The following ADGRA3 variants were observed in gnomAD, a reference collection of about 807,000 sequenced individuals.
The protein encoded by ADGRA3 is G-protein coupled receptor 125.
Under a neutral mutation model 119.8 loss-of-function variants are expected in ADGRA3, and 56 were observed. That is an observed-to-expected ratio of 0.47 (90% confidence interval 0.38 to 0.58). The LOEUF is 0.58. Among genes scored for constraint, ADGRA3 ranks in the 20% least tolerant of loss-of-function variants. The pLI, the probability that ADGRA3 is intolerant of heterozygous loss-of-function variation, is 0.00. For missense variants in ADGRA3, 1,516 were observed against 1,649.0 expected (o/e 0.92, Z 1.40); for synonymous variants, 607 against 623.8 (o/e 0.97, Z 0.40).
At position 22,413,171 on chromosome 4, in the gene ADGRA3, A is replaced by T; in HGVS notation, c.2232+11T>A. ...AATAGTGTTTATGCATAAAGTTAAC[A>T]ACTGCCATACCATTAAAACTGCATA... On this transcript the variant is annotated intron_variant, in intron 14 of 18. Coordinates refer to ENST00000334304, the MANE Select transcript of ADGRA3 (RefSeq NM_145290.4). 1.3e-6 allele frequency: 2 copies of T among 1,590,070 alleles called. No individual in the cohort carries two copies. Among genetic ancestry groups the T allele is most frequent in the South Asian group, 2.2e-5 (2 of 90,584 alleles).
intron 14 of ADGRA3, among the ~76,000 whole-genome samples, chr4:22,410,333 A>C (rs1454224473): frequency 1.3e-5 from 2 of 152,174 alleles, no homozygotes; most frequent in Non-Finnish European, 2.9e-5. Flanking sequence ...GCTCCTGTGA[A>C]TCTTCCTGCC....
Position 22,515,927 on chromosome 4 carries a change from GACATGCTCCTTTGT to G in ADGRA3, c.-157_-144del, listed in dbSNP as rs1719654303. 7.3e-6 allele frequency: 3 copies of G among 408,480 alleles called. No homozygotes were observed. The highest frequency in any genetic ancestry group is 9.9e-6 in the Non-Finnish European group (3 of 303,092). 25.3% of individuals were successfully genotyped at this position (408,480 alleles called of 1,614,324 possible). A position where few individuals can be genotyped will look rare whatever the true frequency, so the allele number is the denominator to read the frequency against. ...CGGAGGACGGGCCTTCCCCGGCGCG[GACATGCTCCTTTGT>G]CCGCTGCGGCTGCGCTGGGCCTCTA... On this transcript the variant is annotated 5_prime_UTR_variant, in exon 1 of 19. It removes an upstream start codon present in the reference 5' UTR. Transcript: ENST00000334304.
chr4:22,501,875 A>G (rs1171231480), intron 1 of ADGRA3, among the ~76,000 whole-genome samples: 1 of 152,066 alleles, frequency 6.6e-6, no homozygotes, highest in Non-Finnish European at 1.5e-5. Flanking sequence ...AGCTAAGCTG[A>G]TGGACAAGTT....
At chr4:22,413,084 AAAAAAAAC>A (rs1437507090) in intron 14 of ADGRA3, 90 bp downstream of exon 14, 2 of 893,222 alleles carry the variant, frequency 2.2e-6, no homozygotes, top group African/African-American at 1.7e-5. Flanking sequence ...GTAAAAAAAA[AAAAAAAAC>A]AAAAAACAAA....
chr4:22,496,749 T>G (rs1421928026), intron 1 of ADGRA3, among the ~76,000 whole-genome samples: 1 of 152,186 alleles, frequency 6.6e-6, no homozygotes, highest in Non-Finnish European at 1.5e-5. Flanking sequence ...GGAACCCTGA[T>G]ATATACAAAA....
chr4:22,390,140 A>G (rs1577317617), intron 17 of ADGRA3, among the ~76,000 whole-genome samples: 1 of 151,736 alleles, frequency 6.6e-6, no homozygotes, highest in African/African-American at 2.4e-5. Flanking sequence ...TTCCTGCTGT[A>G]CTAATTCACA....
intron 3 of ADGRA3, among the ~76,000 whole-genome samples, chr4:22,460,798 A>G (rs1177508164): frequency 6.6e-6 from 1 of 152,210 alleles, no homozygotes; most frequent in East Asian, 1.9e-4. Context: ...CTTCCCCTAC[A>G]TTATCTATCC....
At chr4:22,417,218 A>T (rs1715462407) in intron 12 of ADGRA3, among the ~76,000 whole-genome samples, 1 of 152,176 alleles carries the variant, frequency 6.6e-6, no homozygotes, top group South Asian at 2.1e-4. Flanking sequence ...TTTTTAACTG[A>T]CTTTGTTTGC....
At chr4:22,514,357 CATAA>C (rs1295874769) in intron 1 of ADGRA3, 6 of 152,140 alleles carry the variant, frequency 3.9e-5, no homozygotes, top group Non-Finnish European at 7.3e-5. Context: ...TTCATGCCTC[CATAA>C]ATAGACACAT....
rs185049428 is a variant in ADGRA3, at chr4:22,435,454, G to T, written c.1300C>A (p.Leu434Ile). 1.3e-6 allele frequency: 2 copies of T among 1,592,878 alleles called. No individual in the cohort carries two copies. Among genetic ancestry groups the T allele is most frequent in the Non-Finnish European group, 8.6e-7 (1 of 1,163,978 alleles). ...LYMFNQMPLN[L>I]TNAVATARQL... is the part of the protein sequence containing the mutation. ...CGAGCTGTTGCCACGGCATTGGTAA[G>T]ATTGAGGGGCATCTACATTTCAAAG... The change falls in exon 10 of 19, where the codon CTT becomes ATT. Residue 434 changes from leucine (L) to isoleucine (I), a missense_variant. Physicochemically the swap from Leu to Ile is conservative, Grantham distance 5. This residue lies in a region of ADGRA3 where 1,088 missense variants were observed against 1,107.1 expected (regional missense o/e 0.98). Coordinates refer to ENST00000334304, the MANE Select transcript of ADGRA3 (RefSeq NM_145290.4).
intron 2 of ADGRA3, among the ~76,000 whole-genome samples, chr4:22,468,109 C>G (rs1167761407): frequency 6.6e-6 from 1 of 152,190 alleles, no homozygotes; most frequent in East Asian, 1.9e-4. Flanking sequence ...CAGAATGTAA[C>G]TGTGCCTTCA....
At chr4:22,433,604 G>C (rs1716271736) in intron 10 of ADGRA3, among the ~76,000 whole-genome samples, 1 of 152,076 alleles carries the variant, frequency 6.6e-6, no homozygotes, top group Non-Finnish European at 1.5e-5. Flanking sequence ...ATACACCTCT[G>C]GACACCACGT....
Position 22,389,126 on chromosome 4 carries a change from CGCT to C in ADGRA3, c.2682_2684del (p.Ala895del). On this transcript the variant is annotated inframe_deletion, in exon 18 of 19. Transcript: ENST00000334304. Reference sequence around the variant, plus strand: ...GCCGACTGCCGTAATTCTTAATGTTCGCTGCTGCAGTTATGCCGCAAACAATGA... The same window carrying C: ...GCCGACTGCCGTAATTCTTAATGTTCGCTGCAGTTATGCCGCAAACAATGA... 1 of 1,614,012 alleles carries C rather than the reference CGCT, an allele frequency of 6.2e-7. No homozygotes were observed. The highest frequency in any genetic ancestry group is 1.1e-5 in the South Asian group (1 of 91,076).
chr4:22,485,021 C>A (rs1298542584), intron 1 of ADGRA3, among the ~76,000 whole-genome samples: 1 of 152,124 alleles, frequency 6.6e-6, no homozygotes, highest in East Asian at 1.9e-4. Flanking sequence ...TTCCAGAAGA[C>A]TAATTTTCTT....
chr4:22,442,916 T>C (rs1416151656), intron 6 of ADGRA3, 53 bp from the exon 7 acceptor site: 2 of 1,297,912 alleles, frequency 1.5e-6, no homozygotes, highest in African/African-American at 1.5e-5. Flanking sequence ...CCAAACACCA[T>C]AATTAAAAGT....
At chr4:22,419,978 T>G (rs1266937251) in intron 12 of ADGRA3, 1 of 152,658 alleles carries the variant, frequency 6.6e-6, no homozygotes, top group Non-Finnish European at 1.5e-5. Context: ...TTTTCTAAAT[T>G]TAGCCAATTG....
At chr4:22,429,249 C>A (rs551569165) in intron 10 of ADGRA3, among the ~76,000 whole-genome samples, 2 of 152,314 alleles carry the variant, frequency 1.3e-5, no homozygotes, top group African/African-American at 4.8e-5. Context: ...ATTACAAACA[C>A]GTACGTGCAC....
chr4:22,413,783 G>A lies in ADGRA3; in HGVS notation c.1841C>T (p.Pro614Leu). Residue 614 changes from proline to leucine, a missense_variant, in exon 13 of 19, where the codon CCT becomes CTT. Coordinates refer to ENST00000334304, the MANE Select transcript of ADGRA3 (RefSeq NM_145290.4). ...NTIVEASIQL[P>L]PSLFSPKQKR... is the part of the protein sequence containing the mutation. ...TTGCTTTGGTGAGAAAAGGGAAGGA[G>A]GAAGCTGAATAGAAGCCTCCACAAT... The A allele has an allele frequency of 6.2e-7, 1 of 1,613,520 alleles. No individual in the cohort carries two copies. The highest frequency in any genetic ancestry group is 1.3e-5 in the African/African-American group (1 of 74,974).
chr4:22,404,660 T>C (rs565469158), intron 14 of ADGRA3, among the ~76,000 whole-genome samples: 1 of 152,242 alleles, frequency 6.6e-6, no homozygotes, highest in East Asian at 1.9e-4. Flanking sequence ...AGTCTGTAAA[T>C]TAAGTACACA....
Sources: gnomAD v4.1 joint callset for allele counts (sites outside exome capture counted in the v4.1 genomes callset) on GRCh38, gnomAD v4.1.1 for gene constraint, gnomAD v4.1.1 regional missense constraint, MANE v1.5 for transcripts, NCBI Gene and HGNC (gene_info 2026-07-23, HGNC 2026-07-21) for gene names.